WDFY3: variants seen among roughly 807,000 people sequenced by gnomAD.
WDFY3 encodes the protein WD repeat and FYVE domain-containing protein 3.
Under a neutral mutation model 409.6 loss-of-function variants are expected in WDFY3, and 66 were observed. The ratio of observed to expected loss-of-function variants is 0.16; its 90% CI spans 0.13 to 0.20. The LOEUF (loss-of-function observed/expected upper bound fraction) is 0.20. Ranked by LOEUF, WDFY3 falls within the 10% of genes least tolerant of loss-of-function variation. The pLI is 1.00. For synonymous variants in WDFY3, 1,521 were observed against 1,537.1 expected (o/e 0.99, Z 0.25); for missense variants, 3,031 against 4,298.1 (o/e 0.71, Z 8.24).
At chr4:84,896,281 A>G (rs1320154684) in intron 3 of WDFY3, among the ~76,000 whole-genome samples, 1 of 151,988 alleles carries the variant, frequency 6.6e-6, no homozygotes, top group African/African-American at 2.4e-5. Flanking sequence ...TAAAAAATAA[A>G]AAGGTGAAAG....
chr4:84,926,750 A>G (rs1007966568), intron 2 of WDFY3, among the ~76,000 whole-genome samples: 2 of 152,216 alleles, frequency 1.3e-5, no homozygotes, highest in South Asian at 2.1e-4. Context: ...TCAGCTCAGT[A>G]TCCTGGTAAC....
rs1264033630 is a variant in WDFY3 at position 84,785,987 on chromosome 4, C to T, written c.4054G>A (p.Ala1352Thr). The change falls in exon 24 of 68, where the codon GCT (alanine) becomes ACT (threonine). Residue 1352 changes from alanine (A) to threonine (T), a missense_variant. By Grantham distance (58) the Ala-to-Thr change is moderately conservative (BLOSUM62 0). Coordinates refer to ENST00000295888, the MANE Select transcript of WDFY3 (RefSeq NM_014991.6). ...GAAATCATTCTGCTTACCTGCTTAG[C>T]AATGGCTTTGCTATCCAATTTGTTA... ...VYNKLDSKAI[A>T]KQLGISSHEN... 1 of 1,613,810 alleles carries T rather than the reference C, an allele frequency of 6.2e-7. No individual in the cohort carries two copies. The highest frequency in any genetic ancestry group is 1.1e-5 in the South Asian group (1 of 91,030).
chr4:84,818,791 T>A (rs555401279), intron 12 of WDFY3, among the ~76,000 whole-genome samples: 4 of 152,240 alleles, frequency 2.6e-5, no homozygotes, highest in Admixed American at 2.6e-4. Flanking sequence ...TCTTTCATAC[T>A]GGGAAAAGAA....
chr4:84,876,872 A>G (rs1762856461), intron 3 of WDFY3, among the ~76,000 whole-genome samples: 2 of 152,202 alleles, frequency 1.3e-5, no homozygotes, highest in South Asian at 2.1e-4. Context: ...AAGCTTTTGC[A>G]GGACATCTTA....
rs555287350 is a variant in WDFY3, at chr4:84,791,215, T to C, written c.3488-1308A>G. On this transcript the variant is annotated intron_variant, in intron 21 of 67. Coordinates refer to ENST00000295888, the MANE Select transcript of WDFY3 (RefSeq NM_014991.6). ...GGTACATATATACAATGGAATAATA[T>C]TTAGCCTTAAAGAAGAAAATTTTGC... Among the ~76,000 whole-genome samples, 4 of 152,270 alleles carry C rather than the reference T, an allele frequency of 2.6e-5. No individual in the cohort carries two copies. In the East Asian group the frequency reaches 7.7e-4, roughly 29 times the overall value.
At chr4:84,907,086 T>C (rs551377500) in intron 2 of WDFY3, among the ~76,000 whole-genome samples, 1 of 152,296 alleles carries the variant, frequency 6.6e-6, no homozygotes, top group East Asian at 1.9e-4. Context: ...TTTATTTCCA[T>C]TTGGACAAAA....
chr4:84,901,116 A>G (rs1766282555), intron 2 of WDFY3, among the ~76,000 whole-genome samples: 1 of 152,216 alleles, frequency 6.6e-6, no homozygotes, highest in South Asian at 2.1e-4. Context: ...AACCTAATGC[A>G]TAAAGGCTCG....
chr4:84,948,444 T>G (rs1222760586), intron 1 of WDFY3, among the ~76,000 whole-genome samples: 1 of 152,164 alleles, frequency 6.6e-6, no homozygotes, highest in African/African-American at 2.4e-5. Context: ...AAAAAGATAC[T>G]TAGTAGTTCA....
At chr4:84,773,278 T>C (rs1334126888) in intron 29 of WDFY3, among the ~76,000 whole-genome samples, 2 of 152,202 alleles carry the variant, frequency 1.3e-5, no homozygotes, top group African/African-American at 2.4e-5. Context: ...AGTAACATTA[T>C]ATAAAATAAT....
In WDFY3 at chr4:84,831,603, G is replaced by A; in HGVS notation, c.579C>T (p.Ile193=). Reference sequence around the variant, plus strand: ...AAACAAAACTGCACAGTTTCACTAAGATCTAAAAAATAAAACAAAACAAAA... The same window carrying A: ...AAACAAAACTGCACAGTTTCACTAAAATCTAAAAAATAAAACAAAACAAAA... ...RGLLQKVFVQ[I]LVKLCSFVSP... The change falls in exon 8 of 68, where the codon ATC becomes ATT. Residue 193 remains isoleucine (I), a splice_region_variant and synonymous_variant. Transcript: ENST00000295888. The A allele has an allele frequency of 2.5e-6, 4 of 1,598,948 alleles. No homozygotes were observed. The highest frequency in any genetic ancestry group is 2.2e-5 in the East Asian group (1 of 44,618).
intron 36 of WDFY3, among the ~76,000 whole-genome samples, chr4:84,747,672 T>C (rs1004530390): frequency 1.3e-5 from 2 of 152,076 alleles, no homozygotes; most frequent in African/African-American, 4.8e-5. Flanking sequence ...GTGGTTACTC[T>C]CATGCTGTTC....
chr4:84,798,698 C>G (rs1223903771), intron 17 of WDFY3, among the ~76,000 whole-genome samples: 1 of 152,138 alleles, frequency 6.6e-6, no homozygotes, highest in Non-Finnish European at 1.5e-5. Context: ...ATGGAATCTG[C>G]TCTTTTCTCT....
intron 4 of WDFY3, among the ~76,000 whole-genome samples, chr4:84,851,738 A>G (rs1254257190): frequency 6.6e-6 from 1 of 152,176 alleles, no homozygotes; most frequent in Non-Finnish European, 1.5e-5. Flanking sequence ...TTAAGGAAGT[A>G]GTTCTATTCC....
chr4:84,805,065 GAGTCAAAACAC>G (rs1751289676), intron 15 of WDFY3, among the ~76,000 whole-genome samples: 2 of 152,104 alleles, frequency 1.3e-5, no homozygotes, highest in South Asian at 2.1e-4. Flanking sequence ...TGATGGATCA[GAGTCAAAACAC>G]AGTCAAAACT....
intron 1 of WDFY3, among the ~76,000 whole-genome samples, chr4:84,948,932 AC>A (rs1012817033): frequency 1.3e-5 from 2 of 151,580 alleles, no homozygotes; most frequent in Admixed American, 1.3e-4. Flanking sequence ...ACACACACAC[AC>A]CCTCCTATTT....
chr4:84,819,231 TG>T (rs1026567254), intron 12 of WDFY3, among the ~76,000 whole-genome samples: 6 of 152,112 alleles, frequency 3.9e-5, no homozygotes, highest in African/African-American at 1.4e-4. Context: ...AGCATCTAGG[TG>T]TTAGAATAAT....
intron 43 of WDFY3, among the ~76,000 whole-genome samples, 158 bp downstream of exon 43, chr4:84,734,885 C>A (rs1737180281): frequency 6.6e-6 from 1 of 152,096 alleles, no homozygotes; most frequent in Non-Finnish European, 1.5e-5. Flanking sequence ...AAATCAGTAG[C>A]CAAAGTAGCT....
chr4:84,700,259 C>T (rs4529041), intron 56 of WDFY3, among the ~76,000 whole-genome samples: 66,415 of 151,864 alleles, frequency 0.44, 15,086 homozygotes, highest in African/African-American at 0.54. Context: ...GGTTGGAGTG[C>T]AGTGGCACGA....
At chr4:84,934,901 A>T (rs1771220695) in intron 1 of WDFY3, among the ~76,000 whole-genome samples, 1 of 152,154 alleles carries the variant, frequency 6.6e-6, no homozygotes, top group Admixed American at 6.6e-5. Context: ...ACATAGGTAC[A>T]TCTTCCTGAA....
Sources: gnomAD v4.1 joint callset for allele counts (sites outside exome capture counted in the v4.1 genomes callset) on GRCh38, gnomAD v4.1.1 for gene constraint, MANE v1.5 for transcripts, NCBI Gene and HGNC (gene_info 2026-07-23, HGNC 2026-07-21) for gene names.